MON2: variants seen among roughly 807,000 people sequenced by gnomAD.
The protein encoded by MON2 is MON2 regulator of endosome-to-Golgi trafficking, also known as protein MON2 homolog.
In MON2, 84 loss-of-function variants were observed where a neutral mutation model predicts 208.6. The observed-to-expected ratio is 0.40, with a 90% CI of 0.34 to 0.48. MON2 has a LOEUF of 0.48. MON2 is among the 20% of genes least tolerant of loss of function. The pLI is 0.59. For missense variants in MON2, 1,611 were observed against 2,015.4 expected (o/e 0.80, Z 3.84); for synonymous variants, 660 against 694.0 (o/e 0.95, Z 0.77).
At chr12:62,492,189 GGAA>G (rs374919804) in intron 2 of MON2, among the ~76,000 whole-genome samples, 44 of 152,232 alleles carry the variant, frequency 2.9e-4, no homozygotes, top group African/African-American at 1.0e-3. Context: ...AGACAGCTTT[GGAA>G]GAAGAAGGTG....
At chr12:62,555,117 A>G (rs895250994) in intron 24 of MON2, among the ~76,000 whole-genome samples, 11 of 151,922 alleles carry the variant, frequency 7.2e-5, no homozygotes, top group African/African-American at 1.7e-4. Context: ...TTTCTTATAC[A>G]TTAACCCATA....
intron 8 of MON2, among the ~76,000 whole-genome samples, chr12:62,520,300 C>T (rs1229425514): frequency 2.0e-5 from 3 of 152,026 alleles, no homozygotes; most frequent in African/African-American, 7.2e-5. Flanking sequence ...TTAATATCAC[C>T]ACCATATATC....
At position 62,597,065 on chromosome 12, in the gene MON2, T is replaced by G. The variant is rs2075541509; in HGVS notation, c.*4316T>G. 6.6e-6 allele frequency: 1 copy of G among 152,162 alleles called. No homozygotes were observed. Among genetic ancestry groups the G allele is most frequent in the Non-Finnish European group, 1.5e-5 (1 of 68,022 alleles). 9.4% of individuals were successfully genotyped at this position (152,162 alleles called of 1,614,324 possible). A position where few individuals can be genotyped will look rare whatever the true frequency, so the allele number is the denominator to read the frequency against. ...CTAAACAGAGATGATGATCAATGAG[T>G]TACTAATTCTTTAGAGGAAAAAATG... On this transcript the variant is annotated 3_prime_UTR_variant, in exon 35 of 35. Coordinates refer to ENST00000393630, the MANE Select transcript of MON2 (RefSeq NM_015026.3).
chr12:62,549,935 A>C, intron 23 of MON2, 105 bp downstream of exon 23: 1 of 649,432 alleles, frequency 1.5e-6, no homozygotes, highest in Non-Finnish European at 2.3e-6. Flanking sequence ...CAAATTGTTT[A>C]TATGGCTTTT....
intron 2 of MON2, 28 bp downstream of exon 2, chr12:62,484,261 A>G (rs1192638709): frequency 1.4e-6 from 2 of 1,441,044 alleles, no homozygotes; most frequent in African/African-American, 1.4e-5. Flanking sequence ...AAATTTAATA[A>G]TAAACAAAAA....
intron 25 of MON2, 67 bp downstream of exon 25, chr12:62,556,259 G>T (rs1203100102): frequency 1.4e-6 from 2 of 1,380,368 alleles, no homozygotes; most frequent in Non-Finnish European, 2.0e-6. Context: ...AAATACAGAC[G>T]ATTCTTTTAG....
chr12:62,506,616 C>T (rs2071111911), intron 7 of MON2, among the ~76,000 whole-genome samples: 1 of 151,656 alleles, frequency 6.6e-6, no homozygotes, highest in Admixed American at 6.6e-5. Flanking sequence ...ATCTCAGCTA[C>T]TTGGGAGGCT....
rs1349245140 is a variant in MON2 at position 62,598,601 on chromosome 12, A to G, written c.*5852A>G. ...ACTCCTGTCTCTTAAGGCAGCTACC[A>G]TATGGTGTTTATGTCAGACTGGATA... On this transcript the variant is annotated 3_prime_UTR_variant, in exon 35 of 35. Coordinates refer to ENST00000393630, the MANE Select transcript of MON2 (RefSeq NM_015026.3). The G allele has an allele frequency of 2.6e-5, 4 of 152,282 alleles. No individual in the cohort carries two copies. The highest frequency in any genetic ancestry group is 2.9e-5 in the Non-Finnish European group (2 of 68,002). 9.4% of individuals were successfully genotyped at this position (152,282 alleles called of 1,614,324 possible). A position where few individuals can be genotyped will look rare whatever the true frequency, so the allele number is the denominator to read the frequency against.
intron 16 of MON2, among the ~76,000 whole-genome samples, 163 bp from the exon 17 acceptor site, chr12:62,537,933 T>C (rs1283960418): frequency 6.6e-6 from 1 of 152,238 alleles, no homozygotes; most frequent in East Asian, 1.9e-4. Context: ...TATCATTAAT[T>C]ATTTTATATG....
At chr12:62,521,457 C>T (rs2072035180) in intron 8 of MON2, among the ~76,000 whole-genome samples, 1 of 152,120 alleles carries the variant, frequency 6.6e-6, no homozygotes, top group Non-Finnish European at 1.5e-5. Context: ...TTGAAAATGG[C>T]AAATAATATA....
intron 13 of MON2, among the ~76,000 whole-genome samples, chr12:62,535,217 G>A (rs148530793): frequency 7.8e-4 from 119 of 152,022 alleles, no homozygotes; most frequent in African/African-American, 2.8e-3. Flanking sequence ...TAATTTCTTT[G>A]TTCTTTTTCT....
intron 27 of MON2, 170 bp from the exon 28 acceptor site, chr12:62,565,844 G>T: frequency 1.8e-6 from 1 of 560,756 alleles, no homozygotes; most frequent in Non-Finnish European, 3.1e-6. Context: ...TATTTTTATA[G>T]CCATAGTTGG....
chr12:62,513,694 C>CACCTTTA (rs1555165200), intron 8 of MON2, among the ~76,000 whole-genome samples: 1 of 149,218 alleles, frequency 6.7e-6, no homozygotes. Flanking sequence ...CGCCTGTAAT[C>CACCTTTA]CCAGCACTTT....
chr12:62,555,038 C>T (rs1341857814), intron 24 of MON2, among the ~76,000 whole-genome samples: 14 of 152,150 alleles, frequency 9.2e-5, no homozygotes, highest in Admixed American at 5.9e-4. Context: ...CCTCGTGATC[C>T]GCCCGCCTCG....
At chr12:62,533,547 C>T (rs959990224) in intron 12 of MON2, among the ~76,000 whole-genome samples, 15 of 152,158 alleles carry the variant, frequency 9.9e-5, no homozygotes, top group African/African-American at 3.6e-4. Flanking sequence ...CAAGATGACC[C>T]GTGTGTCCTT....
chr12:62,579,221 G>A lies in MON2; in HGVS notation c.4575+716G>A, dbSNP rs549264527. On this transcript the variant is annotated intron_variant, in intron 31 of 34. Coordinates refer to ENST00000393630, the MANE Select transcript of MON2 (RefSeq NM_015026.3). ...GCTGTACCACTGTGCTTCAGCCTGG[G>A]CAACAGAGCAAGACCCTGTCTCTGA... Among the ~76,000 whole-genome samples, 10 of 151,534 alleles carry A rather than the reference G, an allele frequency of 6.6e-5. No homozygotes were observed. In the South Asian group the frequency reaches 2.1e-3, roughly 32 times the overall value.
intron 8 of MON2, among the ~76,000 whole-genome samples, chr12:62,524,078 A>C (rs1243721110): frequency 6.6e-6 from 1 of 152,136 alleles, no homozygotes; most frequent in Non-Finnish European, 1.5e-5. Flanking sequence ...TATAAAATTT[A>C]TACTAAGCAC....
intron 1 of MON2, among the ~76,000 whole-genome samples, chr12:62,472,773 A>C (rs997882826): frequency 6.6e-6 from 1 of 152,162 alleles, no homozygotes; most frequent in Admixed American, 6.5e-5. Context: ...AATCTTTACG[A>C]GCTTACTTGG....
chr12:62,495,080 A>G lies in MON2; in HGVS notation c.368A>G (p.Lys123Arg). 2.5e-6 allele frequency: 4 copies of G among 1,611,502 alleles called. No individual in the cohort carries two copies. Among genetic ancestry groups the G allele is most frequent in the Non-Finnish European group, 3.4e-6 (4 of 1,177,880 alleles). The change falls in exon 4 of 35, where the codon AAG becomes AGG. Residue 123 changes from lysine to arginine, a missense_variant. Physicochemically the swap from Lys to Arg is conservative, Grantham distance 26 (BLOSUM62 2). Transcript: ENST00000393630. ...ATGGAGAATAGTCTTGAAGAACTTAAGCTACTTCAAACAGTTCTTGTTCTT... is the reference window on the plus strand; with the variant it reads ...ATGGAGAATAGTCTTGAAGAACTTAGGCTACTTCAAACAGTTCTTGTTCTT... Reference protein sequence around the residue: ...QLMENSLEELKLLQTVLVLLT... With the variant: ...QLMENSLEELRLLQTVLVLLT...
Sources: allele counts gnomAD v4.1 joint callset (sites outside exome capture counted in the v4.1 genomes callset), GRCh38; gene constraint gnomAD v4.1.1; transcripts MANE v1.5; gene names NCBI Gene and HGNC (gene_info 2026-07-23, HGNC 2026-07-21).